ACER3: variants seen among roughly 807,000 people sequenced by gnomAD.
ACER3 encodes the protein alkaline ceramidase 3.
A neutral mutation model predicts 48.9 loss-of-function variants in ACER3; 16 were observed. The ratio of observed to expected loss-of-function variants is 0.33; its 90% CI spans 0.22 to 0.50. The LOEUF is 0.50. ACER3 is among the 20% of genes least tolerant of loss of function. ACER3 has a pLI of 0.98. For missense variants in ACER3, 227 were observed against 326.0 expected (o/e 0.70, Z 2.34); for synonymous variants, 109 against 107.8 (o/e 1.01, Z -0.07).
chr11:76,871,088 C>A (rs991616013), intron 1 of ACER3, among the ~76,000 whole-genome samples: 1 of 152,130 alleles, frequency 6.6e-6, no homozygotes, highest in Non-Finnish European at 1.5e-5. Context: ...TAAAGTTTTC[C>A]ACTTTGCAAG....
chr11:76,874,401 G>GT (rs1414410162), intron 1 of ACER3, among the ~76,000 whole-genome samples: 1 of 70,956 alleles, frequency 1.4e-5, no homozygotes, highest in Non-Finnish European at 3.1e-5. Context: ...ATAAAAATAA[G>GT]TTAAAAAAAA....
chr11:76,972,957 G>C (rs1948345578), intron 3 of ACER3, among the ~76,000 whole-genome samples: 2 of 152,256 alleles, frequency 1.3e-5, no homozygotes, highest in Admixed American at 6.5e-5. Context: ...GTGCCCGACA[G>C]TAACTGATGG....
chr11:76,962,428 C>T (rs1948021284), intron 3 of ACER3, among the ~76,000 whole-genome samples: 1 of 151,148 alleles, frequency 6.6e-6, no homozygotes, highest in East Asian at 1.9e-4. Flanking sequence ...CCACATTGGC[C>T]AGGCTGGTCT....
intron 1 of ACER3, among the ~76,000 whole-genome samples, chr11:76,870,513 A>G (rs1173727248): frequency 2.0e-5 from 3 of 152,186 alleles, no homozygotes; most frequent in Non-Finnish European, 4.4e-5. Context: ...TCCTGTGAAC[A>G]TGGGTGTACA....
intron 1 of ACER3, among the ~76,000 whole-genome samples, chr11:76,881,584 C>T (rs1945528754): frequency 6.6e-6 from 1 of 152,064 alleles, no homozygotes; most frequent in Non-Finnish European, 1.5e-5. Context: ...TAGAAGCTTG[C>T]ACAATAAGGC....
chr11:76,875,624 T>G (rs981811251), intron 1 of ACER3, among the ~76,000 whole-genome samples: 1 of 152,052 alleles, frequency 6.6e-6, no homozygotes, highest in Non-Finnish European at 1.5e-5. Context: ...ACTGCAGACA[T>G]CTGTTTGCTT....
chr11:76,958,188 T>TC (rs1947892774), intron 2 of ACER3, among the ~76,000 whole-genome samples: 2 of 150,246 alleles, frequency 1.3e-5, no homozygotes, highest in Admixed American at 1.3e-4. Flanking sequence ...AGCAACTTTT[T>TC]TTTTTTTTTT....
chr11:76,967,425 A>T (rs1948168468), intron 3 of ACER3, among the ~76,000 whole-genome samples: 1 of 152,234 alleles, frequency 6.6e-6, no homozygotes, highest in Non-Finnish European at 1.5e-5. Flanking sequence ...TCCAATCAAT[A>T]GAAAAAGAGG....
intron 1 of ACER3, among the ~76,000 whole-genome samples, chr11:76,882,021 T>C (rs1206897535): frequency 8.9e-6 from 1 of 112,016 alleles, no homozygotes; most frequent in South Asian, 3.0e-4. Flanking sequence ...TTTTTTTTTT[T>C]TGAGATGGAG....
intron 5 of ACER3, 27 bp from the exon 6 acceptor site, chr11:76,990,512 A>G: frequency 6.8e-7 from 1 of 1,476,664 alleles, no homozygotes; most frequent in African/African-American, 1.4e-5. Context: ...TACTTCATTC[A>G]CATGTGTTTT....
At chr11:76,882,739 T>A (rs1179459797) in intron 1 of ACER3, among the ~76,000 whole-genome samples, 1 of 152,242 alleles carries the variant, frequency 6.6e-6, no homozygotes, top group African/African-American at 2.4e-5. Flanking sequence ...GATTCAGGTA[T>A]CTTTGTTTCT....
At position 77,022,582 on chromosome 11, in the gene ACER3, A is replaced by G. The variant is rs1210128439; in HGVS notation, c.*2255A>G. On this transcript the variant is annotated 3_prime_UTR_variant, in exon 11 of 11. Transcript: ENST00000532485. ...ATTTTATGGAAATCACTGGTGACCT[A>G]TAGGATATTACTAAATTATTTCAAT... 3 of 152,180 alleles carry G rather than the reference A, an allele frequency of 2.0e-5. No homozygotes were observed. The highest frequency in any genetic ancestry group is 7.2e-5 in the African/African-American group (3 of 41,448). The allele number at this position is 152,180 out of a possible 1,614,324, so 9.4% of individuals were successfully genotyped here. A position where few individuals can be genotyped will look rare whatever the true frequency, so the allele number is the denominator to read the frequency against.
intron 10 of ACER3, 55 bp downstream of exon 10, chr11:77,019,831 T>C (rs1261390093): frequency 1.3e-5 from 21 of 1,566,796 alleles, no homozygotes; most frequent in Non-Finnish European, 1.8e-5. Context: ...ACTGGGAGTA[T>C]AGGATGGAGG....
chr11:76,950,607 G>A (rs1019406586), intron 2 of ACER3, among the ~76,000 whole-genome samples: 4 of 150,828 alleles, frequency 2.7e-5, no homozygotes, highest in African/African-American at 4.9e-5. Context: ...GACCATAGGC[G>A]TGCACCACCA....
At chr11:76,884,174 G>A (rs1945612737) in intron 1 of ACER3, among the ~76,000 whole-genome samples, 1 of 152,094 alleles carries the variant, frequency 6.6e-6, no homozygotes, top group African/African-American at 2.4e-5. Context: ...TTATTCGGCG[G>A]TAGACTCAAA....
chr11:76,987,245 A>C (rs1434132433), intron 5 of ACER3, among the ~76,000 whole-genome samples: 1 of 152,194 alleles, frequency 6.6e-6, no homozygotes, highest in Non-Finnish European at 1.5e-5. Context: ...CTCAGGTGAA[A>C]GTAATATAGC....
chr11:76,882,003 C>CT (rs33962456), intron 1 of ACER3, among the ~76,000 whole-genome samples: 275 of 110,012 alleles, frequency 2.5e-3, no homozygotes, highest in South Asian at 3.9e-3. Context: ...TGTAAAAAAT[C>CT]TTTTTTTTTT....
chr11:76,875,911 T>C (rs538841079), intron 1 of ACER3, among the ~76,000 whole-genome samples: 1 of 151,882 alleles, frequency 6.6e-6, no homozygotes, highest in Non-Finnish European at 1.5e-5. Context: ...AATTTTTGTA[T>C]TATTAGTAGA....
intron 7 of ACER3, among the ~76,000 whole-genome samples, chr11:77,003,868 T>C (rs1484700385): frequency 6.6e-6 from 1 of 152,214 alleles, no homozygotes; most frequent in Non-Finnish European, 1.5e-5. Context: ...ATTGTCATTC[T>C]TGATTTCTTG....
Sources: gnomAD v4.1 joint callset for allele counts (sites outside exome capture counted in the v4.1 genomes callset) on GRCh38, gnomAD v4.1.1 for gene constraint, MANE v1.5 for transcripts, NCBI Gene and HGNC (gene_info 2026-07-23, HGNC 2026-07-21) for gene names.